PREX1: variants seen among roughly 807,000 people sequenced by gnomAD.
PREX1 encodes the protein phosphatidylinositol-3,4,5-trisphosphate dependent Rac exchange factor 1, also known as phosphatidylinositol 3,4,5-trisphosphate-dependent Rac exchanger 1 protein.
PREX1 carries 41 observed loss-of-function variants against 198.3 expected under a neutral mutation model. That is an observed-to-expected ratio of 0.21 (90% CI 0.16 to 0.27). The LOEUF (loss-of-function observed/expected upper bound fraction) is 0.27, where lower values mean the gene tolerates loss of function less well. Ranked by LOEUF, PREX1 falls within the 10% of genes least tolerant of loss-of-function variation. The pLI is 1.00. For missense variants in PREX1, 1,620 were observed against 2,200.7 expected, an observed-to-expected ratio of 0.74 and a Z score of 5.28; for synonymous variants, 843 against 887.2, an observed-to-expected ratio of 0.95 and a Z score of 0.89.
intron 3 of PREX1, among the ~76,000 whole-genome samples, chr20:48,743,587 C>A (rs909591304): frequency 1.3e-5 from 2 of 152,240 alleles, no homozygotes; most frequent in Non-Finnish European, 2.9e-5. Flanking sequence ...GATGGAGGAG[C>A]GTCCGCTATG....
At position 48,827,762 on chromosome 20, in the gene PREX1, G is replaced by A. The variant is rs567448602; in HGVS notation, c.99C>T (p.Gly33=). 888 of 1,199,350 alleles carry A rather than the reference G, an allele frequency of 7.4e-4. 15 individuals are homozygous for A. The South Asian group carries it at 0.03, about 41-fold the overall frequency. 74.3% of individuals were successfully genotyped at this position (1,199,350 alleles called of 1,614,324 possible). ...CCCGGGCGGCCGCGCACGGGCCGGGGCCGGAGCTGGGCGCCGCGGCGCCAG... is the reference window on the plus strand; with the variant it reads ...CCCGGGCGGCCGCGCACGGGCCGGGACCGGAGCTGGGCGCCGCGGCGCCAG... The part of the protein sequence containing the change: ...RAPGAAAPSS[G]PGPCAAARES... Residue 33 remains glycine (G), a synonymous_variant, in exon 1 of 40, where the codon GGC becomes GGT. Transcript: ENST00000371941. This position sits in a 1 kb window ranked among gnomAD's most constrained non-coding sequence, Gnocchi z 4.1.
intron 6 of PREX1, among the ~76,000 whole-genome samples, chr20:48,702,573 G>A (rs1159138315): frequency 1.3e-5 from 2 of 152,240 alleles, no homozygotes; most frequent in Non-Finnish European, 2.9e-5. Flanking sequence ...ATCCTCGAAA[G>A]AAAATGGCTT....
chr20:48,677,607 T>G (rs1214521721), intron 13 of PREX1, among the ~76,000 whole-genome samples: 1 of 152,204 alleles, frequency 6.6e-6, no homozygotes. Context: ...CAAAAGAAGT[T>G]AATCATCTTT....
At chr20:48,798,356 C>T (rs1451943569) in intron 1 of PREX1, among the ~76,000 whole-genome samples, 2 of 152,214 alleles carry the variant, frequency 1.3e-5, no homozygotes, top group African/African-American at 2.4e-5. Context: ...GCTGCTCCTA[C>T]GGTCCAGCCT....
intron 1 of PREX1, among the ~76,000 whole-genome samples, chr20:48,797,480 G>GC (rs1361866152): frequency 1.3e-5 from 2 of 151,624 alleles, no homozygotes; most frequent in East Asian, 1.9e-4. Context: ...GCATTTAATT[G>GC]CAAGTTCATG....
intron 13 of PREX1, among the ~76,000 whole-genome samples, chr20:48,679,108 C>T (rs993706561): frequency 1.3e-5 from 2 of 152,198 alleles, no homozygotes; most frequent in African/African-American, 2.4e-5. Context: ...CAAGGTCACA[C>T]AGCTGCTAAC....
intron 3 of PREX1, among the ~76,000 whole-genome samples, chr20:48,735,272 C>G (rs1357853011): frequency 1.3e-5 from 2 of 152,132 alleles, no homozygotes; most frequent in Non-Finnish European, 2.9e-5. Context: ...GGTGAGGTCA[C>G]TGGAGGAGGA....
chr20:48,860,851 C>T, the PREX1 span, among the ~76,000 whole-genome samples: 3 of 147,004 alleles, frequency 2.0e-5, no homozygotes, highest in Admixed American at 6.8e-5. Context: ...AAAAAAAAGG[C>T]CAGACGCAGT....
At chr20:48,816,290 C>T (rs2090458907) in intron 1 of PREX1, among the ~76,000 whole-genome samples, 1 of 152,138 alleles carries the variant, frequency 6.6e-6, no homozygotes, top group Non-Finnish European at 1.5e-5. Context: ...GAGTTCAAAC[C>T]CACCACTGAC....
intron 7 of PREX1, among the ~76,000 whole-genome samples, chr20:48,696,123 T>C (rs2089844146): frequency 6.6e-6 from 1 of 152,270 alleles, no homozygotes; most frequent in African/African-American, 2.4e-5. Flanking sequence ...CTAATGAATT[T>C]AGTTCTCCTT....
chr20:48,744,031 G>A (rs1352443404), intron 3 of PREX1, among the ~76,000 whole-genome samples: 3 of 149,140 alleles, frequency 2.0e-5, no homozygotes, highest in African/African-American at 5.0e-5. Context: ...TGATGATGAT[G>A]ATGAGTTAAC....
intron 15 of PREX1, among the ~76,000 whole-genome samples, chr20:48,661,118 T>TA (rs1455113759): frequency 1.3e-5 from 2 of 151,918 alleles, no homozygotes; most frequent in East Asian, 1.9e-4. Flanking sequence ...GCCCTTTACA[T>TA]AAAAAAATAT....
At chr20:48,858,998 T>A in the PREX1 span, among the ~76,000 whole-genome samples, 4,083 of 152,132 alleles carry the variant, frequency 0.027, 206 homozygotes, top group African/African-American at 0.094. Context: ...TTGGCTCAAG[T>A]GATCCTCCCA....
chr20:48,640,785 G>A (rs1398408376), intron 29 of PREX1, among the ~76,000 whole-genome samples: 1 of 151,742 alleles, frequency 6.6e-6, no homozygotes, highest in Non-Finnish European at 1.5e-5. Flanking sequence ...GTAGAAGGGT[G>A]AAAGAGTGGG....
the PREX1 span, among the ~76,000 whole-genome samples, chr20:48,852,053 T>G: frequency 6.6e-6 from 1 of 152,144 alleles, no homozygotes; most frequent in Non-Finnish European, 1.5e-5. Flanking sequence ...CACCTATTTT[T>G]TTTTTTAACT....
chr20:48,633,419 G>A (rs1472023391), intron 33 of PREX1, among the ~76,000 whole-genome samples: 1 of 152,186 alleles, frequency 6.6e-6, no homozygotes, highest in Non-Finnish European at 1.5e-5. Context: ...TCATGGGGGT[G>A]CAGCAATTAG....
In PREX1 at chr20:48,679,260, G is replaced by A. The variant is rs1205138532; in HGVS notation, c.1589+100C>T. ...GTGCCACTGCAAGCCCCATTTAATG[G>A]AGAAGGAGACTGGAGCTCAGAGAGG... On this transcript the variant is annotated intron_variant, in intron 13 of 39. Transcript: ENST00000371941. 33 of 1,016,400 alleles carry A rather than the reference G, an allele frequency of 3.2e-5. 1 individual carries two copies. In the South Asian group the frequency reaches 4.6e-4, roughly 14 times the overall value. 63.0% of individuals were successfully genotyped at this position (1,016,400 alleles called of 1,614,324 possible).
In PREX1 at chr20:48,745,022, C is replaced by T. The variant is rs1410738274; in HGVS notation, c.414+3G>A. 1.2e-6 allele frequency: 2 copies of T among 1,613,864 alleles called. No homozygotes were observed. The highest frequency in any genetic ancestry group is 1.7e-6 in the Non-Finnish European group (2 of 1,179,758). ...CCACCAGGGGCAGTGGCATGGTACT[C>T]ACGAATTTTAAGAAAACATTCCCAA... is the stretch of plus-strand genomic sequence containing the variant. On this transcript the variant is annotated splice_donor_region_variant and intron_variant, in intron 3 of 39. Transcript: ENST00000371941.
At chr20:48,752,069 G>C (rs2090136453) in intron 1 of PREX1, among the ~76,000 whole-genome samples, 1 of 152,182 alleles carries the variant, frequency 6.6e-6, no homozygotes, top group Non-Finnish European at 1.5e-5. Context: ...ACAGGTCACT[G>C]CATATGCAAA....
Sources: gnomAD v4.1 joint callset for allele counts (sites outside exome capture counted in the v4.1 genomes callset) on GRCh38, gnomAD v4.1.1 for gene constraint, Gnocchi (gnomAD v3.1) non-coding constraint, MANE v1.5 for transcripts, NCBI Gene and HGNC (gene_info 2026-07-23, HGNC 2026-07-21) for gene names.